Variants in KLHL32 observed in about 807,000 individuals in gnomAD.
KLHL32 encodes kelch like family member 32, also known as kelch-like protein 32.
In KLHL32, 35 loss-of-function variants were observed where a neutral mutation model predicts 64.8. The observed-to-expected ratio is 0.54, with a 90% CI of 0.41 to 0.72. KLHL32 has a LOEUF of 0.72. Among genes scored for constraint, KLHL32 ranks in the 30% least tolerant of loss-of-function variants. The probability of loss-of-function intolerance (pLI) is 0.00; values close to 1 mark genes in which losing one functional copy is unlikely to be tolerated. For synonymous variants in KLHL32, 259 were observed against 281.0 expected (o/e 0.92, Z 0.78); for missense variants, 589 against 768.5 (o/e 0.77, Z 2.76).
Position 97,129,654 on chromosome 6 carries a change from G to T in KLHL32, c.1414-1103G>T, listed in dbSNP as rs547828350. On this transcript the variant is annotated intron_variant, in intron 8 of 10. Coordinates refer to ENST00000369261, the MANE Select transcript of KLHL32 (RefSeq NM_052904.4). ...CCCAGCACTTTGGGAGGCCGAGGTG[G>T]GTGGATCACCTGAGGTCAGGAGTTT... Among the ~76,000 whole-genome samples, 3 of 152,244 alleles carry T rather than the reference G, an allele frequency of 2.0e-5. No homozygotes were observed. In the South Asian group the frequency reaches 6.2e-4, roughly 32 times the overall value.
At chr6:96,917,393 C>G in the KLHL32 span, among the ~76,000 whole-genome samples, 1 of 152,144 alleles carries the variant, frequency 6.6e-6, no homozygotes, top group African/African-American at 2.4e-5. Flanking sequence ...AAAAGAGATT[C>G]TCTTTATTCA....
intron 10 of KLHL32, among the ~76,000 whole-genome samples, chr6:97,134,191 A>T (rs1799742659): frequency 6.6e-6 from 1 of 152,202 alleles, no homozygotes; most frequent in Non-Finnish European, 1.5e-5. Flanking sequence ...TCTCAAAGAA[A>T]GTAGAAGAGG....
At chr6:97,037,971 C>T (rs1784546108) in intron 3 of KLHL32, among the ~76,000 whole-genome samples, 1 of 152,100 alleles carries the variant, frequency 6.6e-6, no homozygotes, top group African/African-American at 2.4e-5. Context: ...TAACTATATG[C>T]AGAAGAATGA....
chr6:97,017,913 T>G (rs1051434554), intron 3 of KLHL32, among the ~76,000 whole-genome samples: 1 of 152,180 alleles, frequency 6.6e-6, no homozygotes, highest in Non-Finnish European at 1.5e-5. Context: ...GGGCCCCAAG[T>G]GATCATGTGG....
intron 10 of KLHL32, among the ~76,000 whole-genome samples, chr6:97,138,864 A>T (rs951960210): frequency 3.3e-5 from 5 of 152,204 alleles, no homozygotes; most frequent in African/African-American, 1.2e-4. Flanking sequence ...TACCTACCTC[A>T]TAATTGTTCT....
At chr6:97,052,575 G>A (rs1787111070) in intron 4 of KLHL32, among the ~76,000 whole-genome samples, 1 of 152,142 alleles carries the variant, frequency 6.6e-6, no homozygotes, top group Non-Finnish European at 1.5e-5. Flanking sequence ...GCAGGCTGTA[G>A]GTCAGTCCTC....
intron 6 of KLHL32, among the ~76,000 whole-genome samples, chr6:97,111,842 A>C (rs1797186877): frequency 6.6e-6 from 1 of 152,036 alleles, no homozygotes; most frequent in Non-Finnish European, 1.5e-5. Context: ...GTGGGAAGGT[A>C]ATCTTCCCCT....
chr6:96,911,851 T>TG, the KLHL32 span, among the ~76,000 whole-genome samples: 1 of 127,336 alleles, frequency 7.9e-6, no homozygotes, highest in Non-Finnish European at 1.7e-5. Context: ...TTTTTTTTTT[T>TG]GGCAGCTGCC....
rs1418886930 is a variant in KLHL32 at position 96,948,265 on chromosome 6, T to C, written c.-65-18731T>C. 3.3e-5 allele frequency among the ~76,000 whole-genome samples: 5 copies of C among 152,286 alleles called. 1 individual carries two copies. The highest frequency in any genetic ancestry group is 2.0e-4 in the Admixed American group (3 of 15,286). ...AATCCTGGTTCTACCACTTATTAGA[T>C]TGGTGATCTTGGGAAAGTTATTTCA... is the stretch of plus-strand genomic sequence containing the variant. On this transcript the variant is annotated intron_variant, in intron 1 of 10. Coordinates refer to ENST00000369261, the MANE Select transcript of KLHL32 (RefSeq NM_052904.4).
chr6:97,078,689 A>C (rs1390723272), intron 5 of KLHL32, among the ~76,000 whole-genome samples: 2 of 152,192 alleles, frequency 1.3e-5, no homozygotes, highest in Non-Finnish European at 2.9e-5. Flanking sequence ...ACTAGATGAG[A>C]CAGCAAGAGA....
intron 3 of KLHL32, among the ~76,000 whole-genome samples, chr6:96,982,768 A>C (rs1434823229): frequency 6.6e-6 from 1 of 152,214 alleles, no homozygotes; most frequent in Non-Finnish European, 1.5e-5. Context: ...TATCAGCTTA[A>C]GGAGATTTTG....
At chr6:96,953,854 CTTT>C (rs60587934) in intron 1 of KLHL32, among the ~76,000 whole-genome samples, 1 of 142,616 alleles carries the variant, frequency 7.0e-6, no homozygotes, top group Admixed American at 7.0e-5. Context: ...TAATAGTTGT[CTTT>C]TTTTTTTTTT....
intron 6 of KLHL32, among the ~76,000 whole-genome samples, chr6:97,098,223 T>C (rs1175788250): frequency 6.6e-6 from 1 of 152,136 alleles, no homozygotes; most frequent in Admixed American, 6.5e-5. Flanking sequence ...CTTTCATGCA[T>C]ACCCTTTAAA....
chr6:97,063,946 G>T (rs77864213), intron 4 of KLHL32, among the ~76,000 whole-genome samples: 10,740 of 152,228 alleles, frequency 0.071, 843 homozygotes, highest in Admixed American at 0.21. Flanking sequence ...GCAGTAGGTA[G>T]ATAATTGGAC....
intron 3 of KLHL32, among the ~76,000 whole-genome samples, chr6:96,991,046 G>C (rs1056591672): frequency 7.9e-5 from 12 of 152,048 alleles, no homozygotes; most frequent in African/African-American, 2.9e-4. Context: ...GCCCTGCTTG[G>C]TGAAGCGCAG....
At chr6:96,902,389 T>C in the KLHL32 span, among the ~76,000 whole-genome samples, 4 of 152,224 alleles carry the variant, frequency 2.6e-5, no homozygotes, top group African/African-American at 9.6e-5. Context: ...TGGCTGCATG[T>C]ATGTTTTATT....
chr6:96,942,613 C>T (rs1771429720), intron 1 of KLHL32, among the ~76,000 whole-genome samples: 1 of 151,528 alleles, frequency 6.6e-6, no homozygotes, highest in South Asian at 2.1e-4. Flanking sequence ...TCTTTTATCC[C>T]ACTTCAGGAA....
chr6:97,043,810 A>T (rs1562274332), intron 4 of KLHL32, among the ~76,000 whole-genome samples: 1 of 151,616 alleles, frequency 6.6e-6, no homozygotes, highest in Non-Finnish European at 1.5e-5. Context: ...ATGATGATGA[A>T]TTTTTTTTCA....
At chr6:96,942,962 G>C (rs1470528387) in intron 1 of KLHL32, among the ~76,000 whole-genome samples, 2 of 151,374 alleles carry the variant, frequency 1.3e-5, no homozygotes, top group African/African-American at 4.9e-5. Flanking sequence ...TAAGCATTCA[G>C]GGCTAGAGAT....
Sources: gnomAD v4.1 joint callset for allele counts (sites outside exome capture counted in the v4.1 genomes callset) on GRCh38, gnomAD v4.1.1 for gene constraint, MANE v1.5 for transcripts, NCBI Gene and HGNC (gene_info 2026-07-23, HGNC 2026-07-21) for gene names.